The following SAMD5 variants were observed in gnomAD, a reference collection of about 807,000 sequenced individuals.
SAMD5 encodes the protein sterile alpha motif domain containing 5.
SAMD5 carries 13 observed loss-of-function variants against 11.3 expected under a neutral mutation model. That is an observed-to-expected ratio of 1.15 (90% confidence interval 0.75 to 1.83). The LOEUF is 1.83. Ranked by LOEUF, SAMD5 falls within the 40% of genes most tolerant of loss-of-function variation. The pLI is 0.00. For synonymous variants in SAMD5, 129 were observed against 111.3 expected, an observed-to-expected ratio of 1.16 and a Z score of -1.00; for missense variants, 255 against 239.1, an observed-to-expected ratio of 1.07 and a Z score of -0.44.
chr6:147,649,934 T>G (rs1345966997), intron 1 of SAMD5, among the ~76,000 whole-genome samples: 2 of 152,210 alleles, frequency 1.3e-5, no homozygotes, highest in Non-Finnish European at 2.9e-5. Flanking sequence ...TGGTATTGTT[T>G]ATTAATAAGG....
chr6:147,928,077 G>A, the SAMD5 span, among the ~76,000 whole-genome samples: 1 of 152,234 alleles, frequency 6.6e-6, no homozygotes, highest in South Asian at 2.1e-4. Context: ...CAAGTATTTT[G>A]TTGGGGAGTT....
chr6:147,812,044 G>A, the SAMD5 span, among the ~76,000 whole-genome samples: 1 of 152,126 alleles, frequency 6.6e-6, no homozygotes, highest in Non-Finnish European at 1.5e-5. Flanking sequence ...AGGAGGGCAG[G>A]AGGGAGGTAG....
At chr6:147,720,868 TC>T (rs1791541759) in intron 1 of SAMD5, among the ~76,000 whole-genome samples, 1 of 119,012 alleles carries the variant, frequency 8.4e-6, no homozygotes, top group South Asian at 3.2e-4. Flanking sequence ...CCCACAACAG[TC>T]CCCAGAGTGT....
chr6:147,859,866 T>C, the SAMD5 span, among the ~76,000 whole-genome samples: 14 of 152,192 alleles, frequency 9.2e-5, no homozygotes, highest in Admixed American at 7.9e-4. Context: ...ATAGGTCAGA[T>C]AATAACTTGT....
chr6:147,737,248 C>T (rs1484361061), intron 1 of SAMD5: 5 of 923,324 alleles, frequency 5.4e-6, no homozygotes, highest in Admixed American at 3.2e-5. Context: ...CCCCCTTCAC[C>T]GTGCTTTTTC....
intron 1 of SAMD5, among the ~76,000 whole-genome samples, chr6:147,633,874 A>G (rs1197519526): frequency 6.6e-6 from 1 of 152,046 alleles, no homozygotes; most frequent in Non-Finnish European, 1.5e-5. Context: ...ATGTACTTTA[A>G]TGGTTTTACT....
chr6:147,684,460 T>A (rs1790981733), intron 1 of SAMD5, among the ~76,000 whole-genome samples: 1 of 152,174 alleles, frequency 6.6e-6, no homozygotes, highest in South Asian at 2.1e-4. Context: ...CTGTTGGGCT[T>A]ATATTAGGGG....
In SAMD5 at chr6:147,684,621, C is replaced by T. The variant is rs35616257; in HGVS notation, c.163-52696C>T. 8.4e-3 allele frequency among the ~76,000 whole-genome samples: 1,277 copies of T among 152,286 alleles called. 7 individuals carry two copies. Among genetic ancestry groups the T allele is most frequent in the Middle Eastern group, 0.017 (5 of 294 alleles). ...TCTTTGCATCCTGGCTAACATTTAG[C>T]ATTGCCATCCTTTTTTCGATTTGAG... On this transcript the variant is annotated intron_variant, in intron 1 of 1. Coordinates refer to the SAMD5 transcript ENST00000566741.
At chr6:147,673,236 CAG>C (rs1790818318) in intron 1 of SAMD5, among the ~76,000 whole-genome samples, 1 of 148,688 alleles carries the variant, frequency 6.7e-6, no homozygotes, top group Non-Finnish European at 1.5e-5. Context: ...TTTTTTGATA[CAG>C]AGTCTTGCTC....
chr6:147,570,971 G>A (rs1471908061), downstream of SAMD5, among the ~76,000 whole-genome samples: 1 of 152,068 alleles, frequency 6.6e-6, no homozygotes, highest in Admixed American at 6.5e-5. Context: ...ATACCTAAAG[G>A]GTTCTGTGGC....
intron 1 of SAMD5, among the ~76,000 whole-genome samples, chr6:147,544,029 T>C (rs1272470110): frequency 1.3e-5 from 2 of 152,200 alleles, no homozygotes; most frequent in African/African-American, 2.4e-5. Context: ...ATAATGCAGA[T>C]AATTTATAAA....
intron 1 of SAMD5, among the ~76,000 whole-genome samples, chr6:147,521,113 T>G (rs541618575): frequency 6.6e-6 from 1 of 151,968 alleles, no homozygotes; most frequent in African/African-American, 2.4e-5. Context: ...CATGAAATCT[T>G]ACCCATGTTA....
At chr6:147,941,719 AGAATGG>A in the SAMD5 span, among the ~76,000 whole-genome samples, 1 of 152,202 alleles carries the variant, frequency 6.6e-6, no homozygotes, top group Non-Finnish European at 1.5e-5. Flanking sequence ...CAACTCAATG[AGAATGG>A]TATTTTAAAA....
intron 1 of SAMD5, among the ~76,000 whole-genome samples, chr6:147,540,175 TA>T (rs139725735): frequency 0.017 from 2,521 of 152,124 alleles, 77 homozygotes; most frequent in African/African-American, 0.058. Flanking sequence ...CAGAAGCTAA[TA>T]GGGGGGAAAA....
the SAMD5 span, among the ~76,000 whole-genome samples, chr6:147,768,386 T>C: frequency 1.6e-4 from 25 of 152,000 alleles, no homozygotes; most frequent in African/African-American, 6.0e-4. Flanking sequence ...TAATCCCAGC[T>C]ACTTGGGAGG....
chr6:147,656,246 A>C (rs1342703341), intron 1 of SAMD5, among the ~76,000 whole-genome samples: 1 of 152,182 alleles, frequency 6.6e-6, no homozygotes, highest in Non-Finnish European at 1.5e-5. Flanking sequence ...CTAGCAGAAA[A>C]CATGACCGAA....
intron 1 of SAMD5, among the ~76,000 whole-genome samples, chr6:147,532,028 A>G (rs796871024): frequency 8.1e-4 from 123 of 152,332 alleles, no homozygotes; most frequent in African/African-American, 2.9e-3. Context: ...AAAACTAACT[A>G]TAACGTAGAC....
At chr6:147,919,614 A>G in the SAMD5 span, among the ~76,000 whole-genome samples, 1 of 152,304 alleles carries the variant, frequency 6.6e-6, no homozygotes, top group East Asian at 1.9e-4. Context: ...GGAGGAAAAA[A>G]CCACAATACT....
the SAMD5 span, among the ~76,000 whole-genome samples, chr6:147,928,686 T>C: frequency 6.6e-6 from 1 of 152,176 alleles, no homozygotes; most frequent in East Asian, 1.9e-4. Flanking sequence ...ATTTTGGTTA[T>C]TTCTTGTTTT....
Sources: gnomAD v4.1 joint callset for allele counts (sites outside exome capture counted in the v4.1 genomes callset) on GRCh38, gnomAD v4.1.1 for gene constraint, MANE v1.5 for transcripts, NCBI Gene and HGNC (gene_info 2026-07-23, HGNC 2026-07-21) for gene names.